The following TASOR variants were observed in gnomAD, a reference collection of about 807,000 sequenced individuals.
The protein encoded by TASOR is protein TASOR.
Under a neutral mutation model 178.6 loss-of-function variants are expected in TASOR, and 53 were observed. The observed-to-expected ratio is 0.30, with a 90% CI of 0.24 to 0.37. The LOEUF is 0.37. TASOR is among the 10% of genes least tolerant of loss of function. The pLI, the probability that TASOR is intolerant of heterozygous loss-of-function variation, is 1.00. For synonymous variants in TASOR, 713 were observed against 696.2 expected, an observed-to-expected ratio of 1.02 and a Z score of -0.38; for missense variants, 1,815 against 1,971.4, an observed-to-expected ratio of 0.92 and a Z score of 1.50.
rs547844064 is a variant in TASOR, at chr3:56,662,310, G to A, written c.1160+75C>T. On this transcript the variant is annotated intron_variant, in intron 9 of 23. Coordinates refer to ENST00000683822, the MANE Select transcript of TASOR (RefSeq NM_001365635.2). ...ATGAACCAAAATAAAATTTAAATATGAAAAAGAAATAAGGAAAAAGGCTCA... is the reference window on the plus strand; with the variant it reads ...ATGAACCAAAATAAAATTTAAATATAAAAAAGAAATAAGGAAAAAGGCTCA... The A allele has an allele frequency of 2.6e-5, 20 of 779,910 alleles. No homozygotes were observed. The Admixed American group carries it at 3.4e-4, about 13-fold the overall frequency. 48.3% of individuals were successfully genotyped at this position (779,910 alleles called of 1,614,324 possible). A position where few individuals can be genotyped will look rare whatever the true frequency, so the allele number is the denominator to read the frequency against.
intron 13 of TASOR, among the ~76,000 whole-genome samples, chr3:56,648,409 C>T (rs1218408342): frequency 6.6e-6 from 1 of 152,002 alleles, no homozygotes; most frequent in Non-Finnish European, 1.5e-5. Flanking sequence ...AGGAGGATCA[C>T]TTGAGGTCAG....
At chr3:56,634,527 G>A (rs914804052) in intron 17 of TASOR, among the ~76,000 whole-genome samples, 2 of 152,162 alleles carry the variant, frequency 1.3e-5, no homozygotes, top group East Asian at 1.9e-4. Context: ...TTGCTAAGTA[G>A]ATTTCCTGTA....
chr3:56,625,075 G>T (rs1350986293), intron 21 of TASOR, 69 bp from the exon 22 acceptor site: 8 of 1,492,844 alleles, frequency 5.4e-6, no homozygotes, highest in Middle Eastern at 2.4e-4. Flanking sequence ...TTCTGCTTTA[G>T]ATTAAAATTC....
chr3:56,651,396 TAAATACATGTACAATG>T (rs2077348920), intron 11 of TASOR, among the ~76,000 whole-genome samples: 2 of 151,954 alleles, frequency 1.3e-5, no homozygotes, highest in Non-Finnish European at 2.9e-5. Flanking sequence ...AGAGTTAGTA[TAAATACATGTACAATG>T]GGCCAGGCGC....
At chr3:56,625,971 A>G (rs1266394809) in intron 21 of TASOR, among the ~76,000 whole-genome samples, 1 of 152,212 alleles carries the variant, frequency 6.6e-6, no homozygotes, top group Non-Finnish European at 1.5e-5. Flanking sequence ...AAGTGGAGAT[A>G]AGCTTTTAAA....
intron 17 of TASOR, among the ~76,000 whole-genome samples, chr3:56,638,020 T>A (rs2077051242): frequency 6.6e-6 from 1 of 152,118 alleles, no homozygotes; most frequent in Admixed American, 6.6e-5. Context: ...CTATGAATAG[T>A]ATACCTAAAA....
intron 8 of TASOR, 73 bp downstream of exon 8, chr3:56,663,468 C>A: frequency 2.3e-6 from 2 of 864,006 alleles, no homozygotes; most frequent in Non-Finnish European, 3.2e-6. Context: ...AAAAATAATA[C>A]AAAGCACTTA....
chr3:56,638,640 C>A, intron 17 of TASOR, 66 bp downstream of exon 17: 1 of 1,547,506 alleles, frequency 6.5e-7, no homozygotes, highest in Non-Finnish European at 8.9e-7. Context: ...GATGGAGTAT[C>A]AGAAATGCAA....
intron 2 of TASOR, among the ~76,000 whole-genome samples, chr3:56,672,853 T>A (rs2030870452): frequency 6.6e-6 from 1 of 152,196 alleles, no homozygotes; most frequent in Non-Finnish European, 1.5e-5. Context: ...TGAGACAGAG[T>A]TCTTGTTCTA....
At position 56,624,984 on chromosome 3, in the gene TASOR, G is replaced by A. The variant is rs776294725; in HGVS notation, c.4162C>T (p.Leu1388=). Residue 1388 remains leucine (L), a synonymous_variant, in exon 22 of 24, where the codon CTG becomes TTG. Transcript: ENST00000683822. The part of the protein sequence containing the change: ...LGRLNAKALS[L]LTLLNVYQKK... ...TGATAGACATTCAGAAGCGTCAACA[G>A]ACTTAGAGCTTTAGCATTCAATCTG... The A allele has an allele frequency of 3.1e-6, 5 of 1,614,088 alleles. No homozygotes were observed. Among genetic ancestry groups the A allele is most frequent in the Non-Finnish European group, 4.2e-6 (5 of 1,179,994 alleles).
In TASOR at chr3:56,641,375, T is replaced by C. The variant is rs778456800; in HGVS notation, c.2593A>G (p.Thr865Ala). 3.8e-6 allele frequency: 6 copies of C among 1,596,130 alleles called. No homozygotes were observed. In the African/African-American group the frequency reaches 4.0e-5, roughly 11 times the overall value. ...TCTTTCAAATGTAGCTTATGGTCAG[T>C]GCCCACTTCGCTGGTAGAAATAGCA... The part of the protein sequence containing the change: ...SVAISTSEVG[T>A]DHKLHLKEDP... Residue 865 changes from threonine to alanine, a missense_variant, in exon 15 of 24, where the codon ACT (threonine) becomes GCT (alanine). Around this residue, in one of 5 missense-constraint regions of TASOR, gnomAD observed 655 missense variants for 671.1 expected, o/e 0.98. Transcript: ENST00000683822.
chr3:56,680,041 A>C (rs7643382), intron 1 of TASOR, among the ~76,000 whole-genome samples: 8 of 152,024 alleles, frequency 5.3e-5, no homozygotes, highest in African/African-American at 1.9e-4. Context: ...TATTTAATGA[A>C]GGGGGGGAAC....
intron 6 of TASOR, among the ~76,000 whole-genome samples, chr3:56,668,105 G>T (rs886713067): frequency 3.3e-5 from 5 of 152,198 alleles, no homozygotes; most frequent in African/African-American, 1.2e-4. Context: ...AATGAGGTGT[G>T]TTGAGGGCAA....
intron 17 of TASOR, among the ~76,000 whole-genome samples, chr3:56,635,696 C>T (rs1170060521): frequency 6.6e-6 from 1 of 152,066 alleles, no homozygotes; most frequent in Non-Finnish European, 1.5e-5. Context: ...CAGACTGGCC[C>T]TGAATTTCTG....
chr3:56,633,512 T>A lies in TASOR; in HGVS notation c.3279A>T (p.Ser1093=). 1 of 1,614,212 alleles carries A rather than the reference T, an allele frequency of 6.2e-7. No individual in the cohort carries two copies. Among genetic ancestry groups the A allele is most frequent in the Non-Finnish European group, 8.5e-7 (1 of 1,180,038 alleles). The change falls in exon 18 of 24, where the codon TCA becomes TCT. Residue 1093 remains serine (S), a synonymous_variant. Coordinates refer to ENST00000683822, the MANE Select transcript of TASOR (RefSeq NM_001365635.2). ...CTGGTGGCAAATTCCCACCCTTGGC[T>A]GATGCTTTAATAATAATAGTATTTA... is the stretch of plus-strand genomic sequence containing the variant. The part of the protein sequence containing the change: ...EKLNTIIIKA[S]AKGGNLPPVS...
At chr3:56,681,087 TAAA>T (rs11310490) in intron 1 of TASOR, among the ~76,000 whole-genome samples, 5 of 117,886 alleles carry the variant, frequency 4.2e-5, no homozygotes, top group Admixed American at 8.7e-5. Context: ...TAACAAACAG[TAAA>T]AAAAAAAAAA....
At chr3:56,630,336 C>T (rs899946837) in intron 18 of TASOR, among the ~76,000 whole-genome samples, 1 of 152,138 alleles carries the variant, frequency 6.6e-6, no homozygotes, top group African/African-American at 2.4e-5. Context: ...ATAAAGTTTA[C>T]ATTTTTATTC....
chr3:56,638,580 G>C (rs4681945), intron 17 of TASOR, 126 bp downstream of exon 17: 432,036 of 773,066 alleles, frequency 0.56, 130,745 homozygotes, highest in East Asian at 0.93. Context: ...AATAAATATG[G>C]TACTGTCCAA....
intron 11 of TASOR, among the ~76,000 whole-genome samples, chr3:56,651,404 T>C (rs1441046521): frequency 3.3e-5 from 5 of 152,050 alleles, no homozygotes; most frequent in Admixed American, 6.6e-5. Context: ...TATAAATACA[T>C]GTACAATGGG....
Sources: gnomAD v4.1 joint callset for allele counts (sites outside exome capture counted in the v4.1 genomes callset) on GRCh38, gnomAD v4.1.1 for gene constraint, gnomAD v4.1.1 regional missense constraint, MANE v1.5 for transcripts, NCBI Gene and HGNC (gene_info 2026-07-23, HGNC 2026-07-21) for gene names.